BNC2: variants seen among roughly 807,000 people sequenced by gnomAD.
BNC2 encodes zinc finger protein basonuclin-2.
BNC2 carries 20 observed loss-of-function variants against 76.3 expected under a neutral mutation model. The ratio of observed to expected loss-of-function variants is 0.26; its 90% CI spans 0.18 to 0.38. The LOEUF is 0.38. BNC2 is among the 10% of genes least tolerant of loss of function. The pLI, the probability that BNC2 is intolerant of heterozygous loss-of-function variation, is 1.00. For missense variants in BNC2, 1,382 were observed against 1,399.8 expected, an observed-to-expected ratio of 0.99 and a Z score of 0.20; for synonymous variants, 582 against 514.8, an observed-to-expected ratio of 1.13 and a Z score of -1.77.
intron 1 of BNC2, among the ~76,000 whole-genome samples, chr9:16,766,806 T>A (rs1232525564): frequency 6.6e-6 from 1 of 152,206 alleles, no homozygotes; most frequent in Non-Finnish European, 1.5e-5. Context: ...GTTACTTTGC[T>A]TTTCCTGAAG....
At chr9:16,656,539 C>T (rs901045160) in intron 3 of BNC2, among the ~76,000 whole-genome samples, 2 of 152,152 alleles carry the variant, frequency 1.3e-5, no homozygotes, top group African/African-American at 4.8e-5. Flanking sequence ...AAAAACCACA[C>T]AAAATTAATG....
intron 5 of BNC2, among the ~76,000 whole-genome samples, chr9:16,505,253 C>A (rs973670602): frequency 6.6e-6 from 1 of 152,172 alleles, no homozygotes; most frequent in African/African-American, 2.4e-5. Flanking sequence ...CCACACCATG[C>A]CACTGCAATT....
At chr9:16,806,626 C>A (rs914680490) in intron 1 of BNC2, among the ~76,000 whole-genome samples, 1 of 152,038 alleles carries the variant, frequency 6.6e-6, no homozygotes, top group Admixed American at 6.6e-5. Flanking sequence ...CAGAGAAAGA[C>A]CCAGAAAAAT....
chr9:16,458,181 G>C (rs774332124), intron 5 of BNC2, among the ~76,000 whole-genome samples: 2 of 151,538 alleles, frequency 1.3e-5, no homozygotes, highest in African/African-American at 4.9e-5. Flanking sequence ...TGCAATAACA[G>C]ATACATGAGA....
intron 3 of BNC2, among the ~76,000 whole-genome samples, chr9:16,689,079 G>T (rs1281759851): frequency 2.0e-5 from 3 of 150,582 alleles, no homozygotes; most frequent in Non-Finnish European, 4.4e-5. Flanking sequence ...ATTTTCTGTG[G>T]GGCAGGGAGG....
At chr9:16,574,831 T>G (rs181279202) in intron 4 of BNC2, among the ~76,000 whole-genome samples, 5 of 152,326 alleles carry the variant, frequency 3.3e-5, no homozygotes, top group Admixed American at 1.3e-4. Context: ...TCTGTGTTAT[T>G]TAGATGCATT....
intron 3 of BNC2, among the ~76,000 whole-genome samples, chr9:16,638,083 C>G (rs1370466216): frequency 6.6e-6 from 1 of 152,176 alleles, no homozygotes; most frequent in East Asian, 1.9e-4. Flanking sequence ...TTGCTTCAAG[C>G]TAAATTTCTG....
intron 4 of BNC2, among the ~76,000 whole-genome samples, chr9:16,554,156 C>T (rs897969237): frequency 6.6e-6 from 1 of 152,184 alleles, no homozygotes; most frequent in Non-Finnish European, 1.5e-5. Context: ...AACACCTTAT[C>T]CCTAATGGTA....
At chr9:16,752,196 G>C (rs1825238004) in intron 1 of BNC2, among the ~76,000 whole-genome samples, 1 of 38,000 alleles carries the variant, frequency 2.6e-5, no homozygotes, top group Non-Finnish European at 9.0e-5. Flanking sequence ...AAGCTGTTTT[G>C]GCTCAAAATT....
At chr9:16,493,549 G>C (rs1258144934) in intron 5 of BNC2, among the ~76,000 whole-genome samples, 1 of 152,126 alleles carries the variant, frequency 6.6e-6, no homozygotes, top group Non-Finnish European at 1.5e-5. Flanking sequence ...TTCTATGCTG[G>C]CCTCTGTCCC....
intron 2 of BNC2, among the ~76,000 whole-genome samples, chr9:16,729,105 C>T (rs1824435587): frequency 1.3e-5 from 2 of 152,038 alleles, no homozygotes; most frequent in South Asian, 2.1e-4. Flanking sequence ...GATAACATGT[C>T]GTATTTTTAA....
chr9:16,499,111 A>G (rs1444551776), intron 5 of BNC2, among the ~76,000 whole-genome samples: 1 of 152,244 alleles, frequency 6.6e-6, no homozygotes, highest in East Asian at 1.9e-4. Context: ...GCTAATGATT[A>G]TAGTTAAAAT....
At chr9:16,806,767 C>G (rs140162342) in intron 1 of BNC2, among the ~76,000 whole-genome samples, 8 of 152,300 alleles carry the variant, frequency 5.3e-5, no homozygotes, top group African/African-American at 1.9e-4. Context: ...TTTTAAGATT[C>G]TAAATTGTCC....
At chr9:16,848,552 T>C (rs1819047369) in intron 1 of BNC2, among the ~76,000 whole-genome samples, 1 of 152,188 alleles carries the variant, frequency 6.6e-6, no homozygotes, top group Admixed American at 6.5e-5. Flanking sequence ...AAGACACTGT[T>C]AATTACGCCC....
chr9:16,506,309 G>T (rs533741659), intron 5 of BNC2, among the ~76,000 whole-genome samples: 12 of 152,144 alleles, frequency 7.9e-5, no homozygotes, highest in African/African-American at 2.9e-4. Context: ...AGACCTTCAG[G>T]AAGACAACCA....
At chr9:16,645,042 C>G (rs1821585526) in intron 3 of BNC2, among the ~76,000 whole-genome samples, 1 of 152,178 alleles carries the variant, frequency 6.6e-6, no homozygotes. Context: ...TTAAAGAAAT[C>G]ATTCCTGACT....
chr9:16,683,056 G>A lies in BNC2; in HGVS notation c.330+44741C>T, dbSNP rs114346795. Among the ~76,000 whole-genome samples, 1,461 of 152,204 alleles carry A rather than the reference G, an allele frequency of 9.6e-3. 17 individuals carry two copies. The highest frequency in any genetic ancestry group is 0.033 in the African/African-American group (1,383 of 41,522). ...AATAAAGTTACAGAATCAAAATCTT[G>A]ATTTCCAGTTATTTTTCTGAATCAA... On this transcript the variant is annotated intron_variant, in intron 3 of 6. Coordinates refer to ENST00000380672, the MANE Select transcript of BNC2 (RefSeq NM_017637.6).
At chr9:16,802,027 G>C (rs914779224) in intron 1 of BNC2, among the ~76,000 whole-genome samples, 1 of 151,140 alleles carries the variant, frequency 6.6e-6, no homozygotes, top group East Asian at 2.0e-4. Context: ...AAGCACTCAT[G>C]TTATGCCACA....
chr9:16,754,037 A>G (rs6475078), intron 1 of BNC2, among the ~76,000 whole-genome samples: 130,766 of 151,906 alleles, frequency 0.86, 56,668 homozygotes, highest in Non-Finnish European at 0.91. Flanking sequence ...GAAGCCTCAG[A>G]GTGCTCGCTT....
Sources: allele counts gnomAD v4.1 joint callset (sites outside exome capture counted in the v4.1 genomes callset), GRCh38; gene constraint gnomAD v4.1.1; transcripts MANE v1.5; gene names NCBI Gene and HGNC (gene_info 2026-07-23, HGNC 2026-07-21).